CTNNA3: variants seen among roughly 807,000 people sequenced by gnomAD.
The protein encoded by CTNNA3 is catenin alpha 3.
Under a neutral mutation model 95.7 loss-of-function variants are expected in CTNNA3, and 76 were observed. The observed-to-expected ratio is 0.79, with a 90% CI of 0.66 to 0.96. The LOEUF (loss-of-function observed/expected upper bound fraction) is 0.96. Among genes scored for constraint, CTNNA3 ranks in the 40% least tolerant of loss-of-function variants. CTNNA3 has a pLI of 0.00. For synonymous variants in CTNNA3, 431 were observed against 374.4 expected (o/e 1.15, Z -1.74); for missense variants, 1,191 against 1,089.8 (o/e 1.09, Z -1.31).
intron 4 of CTNNA3, among the ~76,000 whole-genome samples, chr10:67,535,759 C>A (rs1180729879): frequency 6.6e-6 from 1 of 152,042 alleles, no homozygotes; most frequent in African/African-American, 2.4e-5. Flanking sequence ...ATTTGGGGGA[C>A]TTCTATTTCT....
At chr10:66,036,916 A>G (rs943945437) in intron 15 of CTNNA3, among the ~76,000 whole-genome samples, 9 of 118,716 alleles carry the variant, frequency 7.6e-5, no homozygotes, top group Admixed American at 1.2e-4. Flanking sequence ...CCTGTCGCCC[A>G]GGCTGGAGTG....
rs139187609 is a variant in CTNNA3 at position 66,095,107 on chromosome 10, T to C, written c.1977+8050A>G. 3.0e-4 allele frequency among the ~76,000 whole-genome samples: 45 copies of C among 152,220 alleles called. No homozygotes were observed. In the East Asian group the frequency reaches 8.3e-3, roughly 28 times the overall value. ...TTTGTAGGCCTCCCAATATATGTAG[T>C]CAGAGCTGAAAAGACAGGACTAGGC... On this transcript the variant is annotated intron_variant, in intron 14 of 17. Coordinates refer to ENST00000433211, the MANE Select transcript of CTNNA3 (RefSeq NM_013266.4).
At chr10:66,875,600 G>A (rs1049182224) in intron 7 of CTNNA3, among the ~76,000 whole-genome samples, 1 of 151,858 alleles carries the variant, frequency 6.6e-6, no homozygotes, top group African/African-American at 2.4e-5. Flanking sequence ...CATATGGAAG[G>A]TAGTTATTCA....
Position 67,296,934 on chromosome 10 carries a change from CAAAAAAAAA to C in CTNNA3, c.580-77073_580-77065del, listed in dbSNP as rs1210482029. 1.1e-3 allele frequency among the ~76,000 whole-genome samples: 20 copies of C among 17,664 alleles called. No individual in the cohort carries two copies. In the South Asian group the frequency reaches 0.021, roughly 19 times the overall value. 11.6% of individuals were successfully genotyped at this position (17,664 alleles called of 152,430 possible). ...GGGCAACAAGAATGAAACGCTGTCT[CAAAAAAAAA>C]AAAAAAAAAAAAAAAAAAAGAGTTC... On this transcript the variant is annotated intron_variant, in intron 5 of 17. Coordinates refer to ENST00000433211, the MANE Select transcript of CTNNA3 (RefSeq NM_013266.4).
chr10:66,747,202 G>A lies in CTNNA3; in HGVS notation c.1281+19062C>T, dbSNP rs902726977. On this transcript the variant is annotated intron_variant, in intron 9 of 17. Transcript: ENST00000433211. ...AAGCTTAGAAAGTATATATTGTCTC[G>A]GGCCTTAATGCTTTTTAATTTTTTA... Among the ~76,000 whole-genome samples, 5 of 152,164 alleles carry A rather than the reference G, an allele frequency of 3.3e-5. 1 individual carries two copies. Among genetic ancestry groups the A allele is most frequent in the African/African-American group, 2.4e-5 (1 of 41,522 alleles).
chr10:67,299,832 T>C (rs1840195544), intron 5 of CTNNA3, among the ~76,000 whole-genome samples: 1 of 152,230 alleles, frequency 6.6e-6, no homozygotes, highest in Admixed American at 6.5e-5. Context: ...ATATATAAAT[T>C]GGCATACATC....
At chr10:66,078,677 T>C (rs186054195) in intron 14 of CTNNA3, among the ~76,000 whole-genome samples, 101 of 152,080 alleles carry the variant, frequency 6.6e-4, no homozygotes, top group African/African-American at 2.3e-3. Context: ...AATATAAATA[T>C]TGCAAAGATT....
intron 1 of CTNNA3, among the ~76,000 whole-genome samples, chr10:67,703,946 A>G (rs1306179925): frequency 6.6e-6 from 1 of 152,242 alleles, no homozygotes; most frequent in Non-Finnish European, 1.5e-5. Context: ...TAGAAAATCA[A>G]TGTACAAAAA....
At chr10:66,177,264 A>G (rs2085762503) in intron 13 of CTNNA3, among the ~76,000 whole-genome samples, 1 of 152,100 alleles carries the variant, frequency 6.6e-6, no homozygotes, top group African/African-American at 2.4e-5. Context: ...AAATCAATAT[A>G]AAATTTTCCA....
chr10:66,972,545 A>G (rs1849781738), intron 7 of CTNNA3, among the ~76,000 whole-genome samples: 1 of 152,072 alleles, frequency 6.6e-6, no homozygotes, highest in African/African-American at 2.4e-5. Context: ...AGAATAGTTA[A>G]CTTTGTCATT....
At position 66,589,018 on chromosome 10, in the gene CTNNA3, A is replaced by C. The variant is rs556793935; in HGVS notation, c.1374+32674T>G. On this transcript the variant is annotated intron_variant, in intron 10 of 17. Transcript: ENST00000433211. The stretch of plus-strand genomic sequence containing the variant: ...TTAAATACATTTGTTAACTCAGGTA[A>C]CAGAAAAATTCTAGTTTTGTTTCTT... Among the ~76,000 whole-genome samples the C allele has an allele frequency of 2.6e-5, 4 of 152,230 alleles. No individual in the cohort carries two copies. The South Asian group carries it at 8.3e-4, about 32-fold the overall frequency.
intron 11 of CTNNA3, among the ~76,000 whole-genome samples, chr10:66,407,173 C>T (rs1589207646): frequency 6.7e-6 from 1 of 149,816 alleles, no homozygotes; most frequent in East Asian, 2.0e-4. Flanking sequence ...TGTATTCTAA[C>T]CTTGTAGGGA....
At chr10:67,241,193 G>A (rs1865706435) in intron 5 of CTNNA3, among the ~76,000 whole-genome samples, 1 of 143,520 alleles carries the variant, frequency 7.0e-6, no homozygotes, top group Non-Finnish European at 1.5e-5. Flanking sequence ...GGCCGAGGCA[G>A]GTGGATCACC....
chr10:67,705,081 C>T (rs1274048087), intron 1 of CTNNA3, among the ~76,000 whole-genome samples: 1 of 152,094 alleles, frequency 6.6e-6, no homozygotes, highest in Admixed American at 6.5e-5. Flanking sequence ...CAATGAGATA[C>T]CATCTCACAC....
Position 66,335,406 on chromosome 10 carries a change from T to C in CTNNA3, c.1732+43746A>G, listed in dbSNP as rs1554937332. Among the ~76,000 whole-genome samples the C allele has an allele frequency of 2.6e-5, 4 of 152,236 alleles. 1 individual carries two copies. The highest frequency in any genetic ancestry group is 2.6e-4 in the Admixed American group (4 of 15,296). On this transcript the variant is annotated intron_variant, in intron 12 of 17. Coordinates refer to ENST00000433211, the MANE Select transcript of CTNNA3 (RefSeq NM_013266.4). ...ATGATGGTGACGTACAGATGGTGTT[T>C]TGGTGTGGATGTCCTTTCTGTTTGT... is the stretch of plus-strand genomic sequence containing the variant.
intron 7 of CTNNA3, among the ~76,000 whole-genome samples, chr10:66,828,635 C>G (rs1842599934): frequency 6.6e-6 from 1 of 152,136 alleles, no homozygotes; most frequent in South Asian, 2.1e-4. Context: ...CTTCTGAGGA[C>G]AGCAAATAAA....
intron 7 of CTNNA3, among the ~76,000 whole-genome samples, chr10:66,843,610 A>G (rs1843145826): frequency 6.6e-6 from 1 of 152,228 alleles, no homozygotes; most frequent in African/African-American, 2.4e-5. Flanking sequence ...GGAACTTGAC[A>G]GAGTAGGGAA....
At chr10:66,703,804 C>A (rs1172589317) in intron 9 of CTNNA3, among the ~76,000 whole-genome samples, 1 of 152,142 alleles carries the variant, frequency 6.6e-6, no homozygotes, top group Non-Finnish European at 1.5e-5. Context: ...TCTGGGGCAA[C>A]AGTACCAAAA....
At chr10:67,700,294 C>G (rs1430976704), upstream of CTNNA3, among the ~76,000 whole-genome samples, 6 of 152,204 alleles carry the variant, frequency 3.9e-5, no homozygotes, top group Non-Finnish European at 8.8e-5. Flanking sequence ...CACGCAGCTG[C>G]AGATCTGAGA....
Sources: gnomAD v4.1 joint callset for allele counts (sites outside exome capture counted in the v4.1 genomes callset) on GRCh38, gnomAD v4.1.1 for gene constraint, MANE v1.5 for transcripts, NCBI Gene and HGNC (gene_info 2026-07-23, HGNC 2026-07-21) for gene names.